Variants in SNAP25 observed in about 807,000 individuals in gnomAD.
SNAP25 encodes synaptosomal-associated protein 25.
In SNAP25, 3 loss-of-function variants were observed where a neutral mutation model predicts 28.7. That is an observed-to-expected ratio of 0.10 (90% CI 0.05 to 0.27). The LOEUF is 0.27. Ranked by LOEUF, SNAP25 falls within the 10% of genes least tolerant of loss-of-function variation. The pLI is 1.00. For synonymous variants in SNAP25, 61 were observed against 88.1 expected (o/e 0.69, Z 1.72); for missense variants, 117 against 278.7 (o/e 0.42, Z 4.13).
chr20:10,304,461 A>G (rs1232372015), intron 7 of SNAP25, among the ~76,000 whole-genome samples: 4 of 152,214 alleles, frequency 2.6e-5, no homozygotes, highest in Admixed American at 2.6e-4. Flanking sequence ...ATTAACATCT[A>G]TGTTTTATGT....
intron 4 of SNAP25, among the ~76,000 whole-genome samples, chr20:10,286,615 G>A (rs2123077237): frequency 6.6e-6 from 1 of 152,214 alleles, no homozygotes; most frequent in Non-Finnish European, 1.5e-5. Flanking sequence ...AAACACTGTG[G>A]CAGCCTACAT....
At chr20:10,233,157 T>A (rs1295637028) in intron 1 of SNAP25, among the ~76,000 whole-genome samples, 1 of 152,152 alleles carries the variant, frequency 6.6e-6, no homozygotes, top group African/African-American at 2.4e-5. Context: ...CTGGCTCATT[T>A]TGCCTCCTAT....
At chr20:10,264,952 C>T (rs571253800) in intron 1 of SNAP25, among the ~76,000 whole-genome samples, 6 of 141,706 alleles carry the variant, frequency 4.2e-5, no homozygotes, top group African/African-American at 1.1e-4. Flanking sequence ...GATGGAGTCT[C>T]GCTCTGTTGC....
chr20:10,269,916 C>A (rs916524117), intron 1 of SNAP25, among the ~76,000 whole-genome samples: 3 of 152,220 alleles, frequency 2.0e-5, no homozygotes, highest in Non-Finnish European at 2.9e-5. Context: ...TTCCCGAAAG[C>A]CCCTGGTTAA....
rs565104136 is a variant in SNAP25, at chr20:10,302,341, G to A, written c.552+2929G>A. ...GCAGTCCTCACATTCTTCTATCAGT[G>A]AGAAAACACAGCATTTGAGAGCTAA... On this transcript the variant is annotated intron_variant, in intron 7 of 7. Coordinates refer to ENST00000254976, the MANE Select transcript of SNAP25 (RefSeq NM_130811.4). Among the ~76,000 whole-genome samples, 77 of 152,342 alleles carry A rather than the reference G, an allele frequency of 5.1e-4. 1 individual carries two copies. In the South Asian group the frequency reaches 0.011, roughly 21 times the overall value.
chr20:10,284,651 C>A, intron 3 of SNAP25, 73 bp from the exon 4 acceptor site: 1 of 1,155,460 alleles, frequency 8.7e-7, no homozygotes, highest in South Asian at 1.2e-5. Context: ...CTAATTGTCC[C>A]CTTACTGATT....
chr20:10,259,180 A>C (rs1366118494), intron 1 of SNAP25, among the ~76,000 whole-genome samples: 2 of 152,190 alleles, frequency 1.3e-5, no homozygotes, highest in African/African-American at 4.8e-5. Context: ...GATAATAATG[A>C]TGAAGTCCAG....
chr20:10,249,198 T>C (rs966417478), intron 1 of SNAP25, among the ~76,000 whole-genome samples: 14 of 152,134 alleles, frequency 9.2e-5, no homozygotes, highest in African/African-American at 3.4e-4. Context: ...GAGAGCCAGG[T>C]TTTACTGGGA....
intron 4 of SNAP25, among the ~76,000 whole-genome samples, chr20:10,291,367 C>T (rs558387014): frequency 6.6e-6 from 1 of 152,268 alleles, no homozygotes; most frequent in Admixed American, 6.5e-5. Flanking sequence ...TGAGCCACCA[C>T]ACCCAGCTAT....
intron 4 of SNAP25, among the ~76,000 whole-genome samples, chr20:10,285,927 C>T (rs1321489283): frequency 1.3e-5 from 2 of 152,094 alleles, no homozygotes; most frequent in Non-Finnish European, 2.9e-5. Context: ...GTTGGGAAAA[C>T]AGAAACTCCT....
intron 1 of SNAP25, among the ~76,000 whole-genome samples, chr20:10,258,588 C>T (rs1012709256): frequency 2.0e-5 from 3 of 152,182 alleles, no homozygotes; most frequent in African/African-American, 7.2e-5. Flanking sequence ...GCCCTTTGCC[C>T]ACAAGGTCTA....
intron 1 of SNAP25, among the ~76,000 whole-genome samples, chr20:10,252,968 T>C (rs2063258046): frequency 6.6e-6 from 1 of 152,140 alleles, no homozygotes; most frequent in African/African-American, 2.4e-5. Context: ...GGTGTATTAC[T>C]AGGGTTAAAT....
At chr20:10,226,755 A>G (rs1429398457) in intron 1 of SNAP25, among the ~76,000 whole-genome samples, 1 of 152,166 alleles carries the variant, frequency 6.6e-6, no homozygotes, top group Non-Finnish European at 1.5e-5. Context: ...AGCCTCAGCC[A>G]TCACCGAACT....
chr20:10,256,785 A>C (rs1001833492), intron 1 of SNAP25, among the ~76,000 whole-genome samples: 13 of 152,224 alleles, frequency 8.5e-5, no homozygotes, highest in African/African-American at 3.1e-4. Flanking sequence ...GAGAGGAAAC[A>C]AAACAACTCT....
At chr20:10,259,725 A>G (rs1483975769) in intron 1 of SNAP25, among the ~76,000 whole-genome samples, 4 of 151,952 alleles carry the variant, frequency 2.6e-5, no homozygotes, top group Admixed American at 2.0e-4. Flanking sequence ...TTTTGTAGAG[A>G]TGGGTCTGGC....
chr20:10,297,062 G>A lies in SNAP25; in HGVS notation c.407+12G>A, dbSNP rs752421716. 4.4e-6 allele frequency: 7 copies of A among 1,583,684 alleles called. No homozygotes were observed. Among genetic ancestry groups the A allele is most frequent in the Non-Finnish European group, 6.0e-6 (7 of 1,165,262 alleles). On this transcript the variant is annotated intron_variant, in intron 6 of 7. Transcript: ENST00000254976. Reference sequence around the variant, plus strand: ...GGCTTCATCCGCAGGTGAGCCTCATGCAGCATACACTGTAGCAGTTCTCTA... The same window carrying A: ...GGCTTCATCCGCAGGTGAGCCTCATACAGCATACACTGTAGCAGTTCTCTA...
intron 4 of SNAP25, among the ~76,000 whole-genome samples, chr20:10,289,133 G>A (rs2123097018): frequency 6.6e-6 from 1 of 152,242 alleles, no homozygotes; most frequent in East Asian, 1.9e-4. Flanking sequence ...CCAGTTAAAT[G>A]ATTGCACTAG....
At chr20:10,298,322 T>C (rs913894266) in intron 6 of SNAP25, among the ~76,000 whole-genome samples, 4 of 152,200 alleles carry the variant, frequency 2.6e-5, no homozygotes, top group African/African-American at 9.7e-5. Context: ...CAGAAAGTTC[T>C]CCTTTAGTTT....
intron 1 of SNAP25, among the ~76,000 whole-genome samples, chr20:10,241,599 C>T (rs7263078): frequency 0.028 from 4,235 of 151,970 alleles, 170 homozygotes; most frequent in African/African-American, 0.095. Flanking sequence ...TCGAGAGAGA[C>T]GGGTCAGGGA....
Sources: allele counts gnomAD v4.1 joint callset (sites outside exome capture counted in the v4.1 genomes callset), GRCh38; gene constraint gnomAD v4.1.1; transcripts MANE v1.5; gene names NCBI Gene and HGNC (gene_info 2026-07-23, HGNC 2026-07-21).